KIF26B: variants seen among roughly 807,000 people sequenced by gnomAD.
The protein encoded by KIF26B is kinesin-like protein KIF26B.
KIF26B carries 63 observed loss-of-function variants against 151.2 expected under a neutral mutation model. The observed-to-expected ratio is 0.42, with a 90% CI of 0.34 to 0.51. The LOEUF is 0.51. Ranked by LOEUF, KIF26B falls within the 20% of genes least tolerant of loss-of-function variation. The pLI is 0.07. For synonymous variants in KIF26B, 1,357 were observed against 1,262.1 expected (o/e 1.08, Z -1.59); for missense variants, 2,813 against 2,913.6 (o/e 0.97, Z 0.79).
Position 245,540,679 on chromosome 1 carries a change from C to A in KIF26B, c.1167-88C>A, listed in dbSNP as rs778777735. The A allele has an allele frequency of 1.5e-5, 18 of 1,164,046 alleles. No individual in the cohort carries two copies. The highest frequency in any genetic ancestry group is 2.3e-5 in the Non-Finnish European group (18 of 769,586). The allele number at this position is 1,164,046 out of a possible 1,614,324, so 72.1% of individuals were successfully genotyped here. A position where few individuals can be genotyped will look rare whatever the true frequency, so the allele number is the denominator to read the frequency against. On this transcript the variant is annotated intron_variant, in intron 4 of 14. Transcript: ENST00000407071. The surrounding 1 kb of genome is among the most constrained non-coding windows in gnomAD (Gnocchi z 4.6). ...AGGAATGATTAGGCCTCAGAAAGAA[C>A]GAGGGGTTGTTTAAGAGAAAACGAA...
rs1672982908 is a variant in KIF26B at position 245,367,268 on chromosome 1, T to C, written c.900T>C (p.Asn300=). The C allele has an allele frequency of 4.4e-6, 7 of 1,605,940 alleles. No individual in the cohort carries two copies. Among genetic ancestry groups the C allele is most frequent in the Middle Eastern group, 1.7e-4 (1 of 6,052 alleles). The stretch of plus-strand genomic sequence containing the variant: ...TCCAGATGGCCACCAGTCCAAGCAA[T>C]GGGAACATCCTCAATTCGGTGGCCA... ...VSLQMATSPS[N]GNILNSVAIQ... Residue 300 remains asparagine (N), a synonymous_variant, in exon 3 of 15, where the codon AAT becomes AAC. Transcript: ENST00000407071. This position sits in a 1 kb window ranked among gnomAD's most constrained non-coding sequence, Gnocchi z 4.2.
At chr1:245,552,151 G>GTGTT (rs1661900884) in intron 5 of KIF26B, among the ~76,000 whole-genome samples, 4 of 151,194 alleles carry the variant, frequency 2.6e-5, no homozygotes, top group Non-Finnish European at 5.9e-5. Flanking sequence ...GTGTGTGTGT[G>GTGTT]TGTGTGTGTG....
In KIF26B at chr1:245,646,287, G is replaced by T. The variant is rs772012420; in HGVS notation, c.2258+7G>T. Reference sequence around the variant, plus strand: ...GCAAACACATTCCATACAAGTAAGTGACTCTTCTACTCAAAGAATGTGGTG... The same window carrying T: ...GCAAACACATTCCATACAAGTAAGTTACTCTTCTACTCAAAGAATGTGGTG... On this transcript the variant is annotated splice_region_variant and intron_variant, in intron 10 of 14. Transcript: ENST00000407071. 13 of 1,613,006 alleles carry T rather than the reference G, an allele frequency of 8.1e-6. No individual in the cohort carries two copies. In the Admixed American group the frequency reaches 1.0e-4, roughly 12 times the overall value.
At chr1:245,355,261 T>C (rs560353960) in intron 2 of KIF26B, among the ~76,000 whole-genome samples, 2 of 152,260 alleles carry the variant, frequency 1.3e-5, no homozygotes, top group Non-Finnish European at 2.9e-5. Context: ...TGCGGGGTGC[T>C]GCTCTGTACA....
intron 2 of KIF26B, among the ~76,000 whole-genome samples, chr1:245,180,973 G>A (rs1407036119): frequency 6.6e-6 from 1 of 152,106 alleles, no homozygotes; most frequent in East Asian, 1.9e-4. Context: ...TAGGGTGGGG[G>A]ACATTGTGCA....
At chr1:245,501,893 C>T (rs1660628563) in intron 4 of KIF26B, among the ~76,000 whole-genome samples, 1 of 152,150 alleles carries the variant, frequency 6.6e-6, no homozygotes, top group Non-Finnish European at 1.5e-5. Flanking sequence ...TATTTTGGTA[C>T]CTACTGCACT....
chr1:245,388,748 T>C (rs1673614526), intron 3 of KIF26B, among the ~76,000 whole-genome samples: 1 of 152,220 alleles, frequency 6.6e-6, no homozygotes, highest in Non-Finnish European at 1.5e-5. Context: ...TTGTCTACAA[T>C]TGTATCTCTA....
chr1:245,509,563 T>A (rs1437056873), intron 4 of KIF26B, among the ~76,000 whole-genome samples: 1 of 152,210 alleles, frequency 6.6e-6, no homozygotes, highest in Non-Finnish European at 1.5e-5. Flanking sequence ...TCATTCAATT[T>A]TCATCCATTC....
intron 10 of KIF26B, among the ~76,000 whole-genome samples, chr1:245,658,193 T>A (rs1471824872): frequency 1.3e-5 from 2 of 152,230 alleles, no homozygotes; most frequent in African/African-American, 4.8e-5. Flanking sequence ...TTGAGATCCA[T>A]CTTGATGCGC....
intron 4 of KIF26B, among the ~76,000 whole-genome samples, chr1:245,471,317 A>G (rs574830628): frequency 1.2e-3 from 187 of 152,108 alleles, no homozygotes; most frequent in African/African-American, 4.2e-3. Context: ...TATTTATAGT[A>G]GAGACGGGGT....
chr1:245,190,485 G>C (rs563650817), intron 2 of KIF26B, among the ~76,000 whole-genome samples: 2 of 152,092 alleles, frequency 1.3e-5, no homozygotes, highest in Non-Finnish European at 2.9e-5. Flanking sequence ...AGCAGTCACG[G>C]CACTGCACTT....
chr1:245,225,559 T>C (rs1669857475), intron 2 of KIF26B, among the ~76,000 whole-genome samples: 1 of 152,250 alleles, frequency 6.6e-6, no homozygotes, highest in African/African-American at 2.4e-5. Context: ...TGGGAGTCAG[T>C]GACTCCTTTT....
chr1:245,240,876 C>G (rs997494405), intron 2 of KIF26B, among the ~76,000 whole-genome samples: 1 of 151,974 alleles, frequency 6.6e-6, no homozygotes, highest in Non-Finnish European at 1.5e-5. Context: ...TGGCAGAGAG[C>G]CTGAAGTGAC....
At chr1:245,186,815 G>T (rs1669008401) in intron 2 of KIF26B, among the ~76,000 whole-genome samples, 1 of 151,992 alleles carries the variant, frequency 6.6e-6, no homozygotes, top group Admixed American at 6.6e-5. Context: ...AGGAACTATG[G>T]TAATGTTGGA....
At chr1:245,421,370 C>T (rs1188832946) in intron 4 of KIF26B, among the ~76,000 whole-genome samples, 1 of 152,158 alleles carries the variant, frequency 6.6e-6, no homozygotes, top group African/African-American at 2.4e-5. Flanking sequence ...TAAATGGAGA[C>T]TTGGTTCGTT....
intron 9 of KIF26B, among the ~76,000 whole-genome samples, chr1:245,625,177 C>T (rs1433723104): frequency 6.6e-6 from 1 of 152,078 alleles, no homozygotes; most frequent in African/African-American, 2.4e-5. Flanking sequence ...TATAATAGGT[C>T]TTGAAATTAG....
intron 12 of KIF26B, among the ~76,000 whole-genome samples, chr1:245,693,880 G>C (rs1306373003): frequency 1.3e-5 from 2 of 152,230 alleles, no homozygotes; most frequent in Non-Finnish European, 2.9e-5. Flanking sequence ...CAGATTTCCA[G>C]AATGTTTCTA....
At chr1:245,430,534 G>C (rs778601605) in intron 4 of KIF26B, among the ~76,000 whole-genome samples, 5 of 152,054 alleles carry the variant, frequency 3.3e-5, no homozygotes, top group East Asian at 3.9e-4. Context: ...AAGTGCAGTG[G>C]CACATACCTG....
intron 10 of KIF26B, among the ~76,000 whole-genome samples, chr1:245,647,790 C>T (rs2043970355): frequency 6.6e-6 from 1 of 152,146 alleles, no homozygotes; most frequent in Non-Finnish European, 1.5e-5. Context: ...TATTTCCTAC[C>T]AGGAGAACCA....
Sources: allele counts gnomAD v4.1 joint callset (sites outside exome capture counted in the v4.1 genomes callset), GRCh38; gene constraint gnomAD v4.1.1; non-coding constraint Gnocchi (gnomAD v3.1); transcripts MANE v1.5; gene names NCBI Gene and HGNC (gene_info 2026-07-23, HGNC 2026-07-21).